RAD18: variants seen among roughly 807,000 people sequenced by gnomAD.
The protein encoded by RAD18 is RAD18 E3 ubiquitin protein ligase.
Under a neutral mutation model 60.4 loss-of-function variants are expected in RAD18, and 47 were observed. That is an observed-to-expected ratio of 0.78 (90% CI 0.62 to 0.99). The LOEUF (loss-of-function observed/expected upper bound fraction) is 0.99, where lower values mean the gene tolerates loss of function less well. RAD18 is among the 50% of genes least tolerant of loss of function. RAD18 has a pLI of 0.00. For synonymous variants in RAD18, 225 were observed against 195.5 expected (o/e 1.15, Z -1.26); for missense variants, 640 against 593.3 (o/e 1.08, Z -0.82).
intron 12 of RAD18, among the ~76,000 whole-genome samples, chr3:8,883,476 A>T (rs1575529752): frequency 6.6e-6 from 1 of 152,182 alleles, no homozygotes; most frequent in East Asian, 1.9e-4. Flanking sequence ...TCCACTAATG[A>T]TTGAACAGTT....
chr3:8,948,304 A>C (rs1320830913), intron 3 of RAD18, among the ~76,000 whole-genome samples: 3 of 152,254 alleles, frequency 2.0e-5, no homozygotes, highest in African/African-American at 7.2e-5. Context: ...AAATACATTT[A>C]GGTTTTCAGA....
intron 4 of RAD18, among the ~76,000 whole-genome samples, chr3:8,946,087 C>T (rs2124835353): frequency 6.6e-6 from 1 of 152,300 alleles, no homozygotes; most frequent in South Asian, 2.1e-4. Context: ...ATTCACTTAT[C>T]ACTCACTCAT....
chr3:8,910,427 C>T (rs1333134376), intron 9 of RAD18, among the ~76,000 whole-genome samples: 3 of 151,976 alleles, frequency 2.0e-5, no homozygotes, highest in South Asian at 2.1e-4. Context: ...GGTGAAACCC[C>T]GTCTCTACTA....
chr3:8,908,285 C>G (rs930544051), intron 9 of RAD18, among the ~76,000 whole-genome samples: 1 of 139,600 alleles, frequency 7.2e-6, no homozygotes, highest in South Asian at 2.3e-4. Flanking sequence ...TTTTTTTTTT[C>G]TTTTCTAAGT....
chr3:8,948,382 A>T (rs1940871364), intron 3 of RAD18, 127 bp downstream of exon 3: 3 of 739,192 alleles, frequency 4.1e-6, no homozygotes. Flanking sequence ...CTTTCTGAAA[A>T]TGTCTTTCAT....
At chr3:8,941,914 T>A (rs1346408998) in intron 4 of RAD18, 110 bp from the exon 5 acceptor site, 22 of 1,010,208 alleles carry the variant, frequency 2.2e-5, no homozygotes, top group Non-Finnish European at 3.2e-5. Flanking sequence ...ATACAGGACC[T>A]ATACTATAAT....
rs1939768410 is a variant in RAD18, at chr3:8,895,537, ACAC to A, written c.1322+3354_1322+3356del. ...AATATATTTGTCTTCCTTACTGTCT[ACAC>A]CACCAAACTTTATTAACCAATTTAT... is the stretch of plus-strand genomic sequence containing the variant. On this transcript the variant is annotated intron_variant, in intron 11 of 12. Transcript: ENST00000264926. 2.6e-5 allele frequency among the ~76,000 whole-genome samples: 4 copies of A among 152,360 alleles called. 1 individual carries two copies. The South Asian group carries it at 8.3e-4, about 32-fold the overall frequency.
intron 2 of RAD18, among the ~76,000 whole-genome samples, chr3:8,953,853 A>C (rs1328436802): frequency 6.6e-6 from 1 of 152,242 alleles, no homozygotes; most frequent in Non-Finnish European, 1.5e-5. Context: ...GACTCAAAAA[A>C]AATTAATCAA....
At chr3:8,939,727 T>C (rs1168097921) in intron 5 of RAD18, 74 bp from the exon 6 acceptor site, 17 of 1,243,744 alleles carry the variant, frequency 1.4e-5, no homozygotes. Context: ...CTGGCATCTT[T>C]TCAGCAAGTA....
Position 8,878,145 on chromosome 3 carries a change from G to C in RAD18, c.*3212C>G, listed in dbSNP as rs543604586. 1 of 152,246 alleles carries C rather than the reference G, an allele frequency of 6.6e-6. No homozygotes were observed. Among genetic ancestry groups the C allele is most frequent in the Non-Finnish European group, 1.5e-5 (1 of 68,090 alleles). 9.4% of individuals were successfully genotyped at this position (152,246 alleles called of 1,614,324 possible). ...GGGCAGATGCTGGTAGAAGTCTGTC[G>C]GGGGGAGCAGCAACATATGCAAGCA... On this transcript the variant is annotated 3_prime_UTR_variant, in exon 13 of 13. Transcript: ENST00000264926.
chr3:8,955,868 T>C (rs1366194355), intron 2 of RAD18, among the ~76,000 whole-genome samples: 2 of 152,222 alleles, frequency 1.3e-5, no homozygotes, highest in African/African-American at 2.4e-5. Context: ...TGCCCCCTTA[T>C]ACACAGGCGA....
At chr3:8,905,858 C>T (rs7613929) in intron 9 of RAD18, among the ~76,000 whole-genome samples, 4,510 of 152,332 alleles carry the variant, frequency 0.03, 228 homozygotes, top group African/African-American at 0.1. Context: ...GTTGGCCTCA[C>T]ACTACTTTGA....
intron 11 of RAD18, among the ~76,000 whole-genome samples, chr3:8,891,224 C>A (rs1482868999): frequency 6.6e-6 from 1 of 151,906 alleles, no homozygotes; most frequent in African/African-American, 2.4e-5. Context: ...ATGGGAGCTG[C>A]GGAGGATCAC....
chr3:8,885,597 C>T (rs1273883169), intron 12 of RAD18, among the ~76,000 whole-genome samples: 2 of 152,278 alleles, frequency 1.3e-5, no homozygotes, highest in Non-Finnish European at 2.9e-5. Flanking sequence ...AAGGTGACCA[C>T]TCTGACAAGG....
chr3:8,898,494 C>T (rs924572303), intron 11 of RAD18, among the ~76,000 whole-genome samples: 1 of 152,004 alleles, frequency 6.6e-6, no homozygotes, highest in Non-Finnish European at 1.5e-5. Flanking sequence ...GTTTCCCCAT[C>T]TATTCTATTT....
At chr3:8,962,095 G>A (rs779841165) in intron 1 of RAD18, among the ~76,000 whole-genome samples, 1 of 152,208 alleles carries the variant, frequency 6.6e-6, no homozygotes, top group Non-Finnish European at 1.5e-5. Context: ...ACTGCAGTAA[G>A]CACAGTGAAT....
At position 8,879,241 on chromosome 3, in the gene RAD18, AACT is replaced by A. The variant is rs1939415306; in HGVS notation, c.*2113_*2115del. 6.6e-6 allele frequency: 1 copy of A among 152,198 alleles called. No homozygotes were observed. The highest frequency in any genetic ancestry group is 1.5e-5 in the Non-Finnish European group (1 of 68,028). The allele number at this position is 152,198 out of a possible 1,614,324, so 9.4% of individuals were successfully genotyped here. On this transcript the variant is annotated 3_prime_UTR_variant, in exon 13 of 13. Coordinates refer to ENST00000264926, the MANE Select transcript of RAD18 (RefSeq NM_020165.4). ...TACCACTAAATATGTTGGAAGTCTT[AACT>A]GCCGGTATCTCAGAATGTGACAGTA...
At chr3:8,947,588 C>T (rs981751146) in intron 3 of RAD18, among the ~76,000 whole-genome samples, 3 of 152,156 alleles carry the variant, frequency 2.0e-5, no homozygotes, top group African/African-American at 7.2e-5. Context: ...TTCAAAATGC[C>T]AGCACTCAGC....
intron 1 of RAD18, among the ~76,000 whole-genome samples, 181 bp from the exon 2 acceptor site, chr3:8,959,182 A>G (rs976223452): frequency 1.3e-5 from 2 of 152,224 alleles, no homozygotes; most frequent in African/African-American, 2.4e-5. Flanking sequence ...CTTCTCTCAT[A>G]TGACTCTTAT....
Sources: allele counts gnomAD v4.1 joint callset (sites outside exome capture counted in the v4.1 genomes callset), GRCh38; gene constraint gnomAD v4.1.1; transcripts MANE v1.5; gene names NCBI Gene and HGNC (gene_info 2026-07-23, HGNC 2026-07-21).